The following PSD3 variants were observed in gnomAD, a reference collection of about 807,000 sequenced individuals.
The protein encoded by PSD3 is pleckstrin and Sec7 domain containing 3, also known as PH and SEC7 domain-containing protein 3.
A neutral mutation model predicts 105.5 loss-of-function variants in PSD3; 49 were observed. That is an observed-to-expected ratio of 0.46 (90% CI 0.37 to 0.59). The LOEUF is 0.59. PSD3 is among the 20% of genes least tolerant of loss of function. PSD3 has a pLI of 0.00. For missense variants in PSD3, 1,561 were observed against 1,263.8 expected (o/e 1.24, Z -3.57); for synonymous variants, 557 against 457.8 (o/e 1.22, Z -2.77).
intron 8 of PSD3, among the ~76,000 whole-genome samples, chr8:18,796,232 G>A (rs10503633): frequency 0.7 from 106,995 of 151,890 alleles, 39,336 homozygotes; most frequent in Non-Finnish European, 0.81. Context: ...AGTTTAACAT[G>A]ATCCAACATG....
chr8:18,766,807 A>T (rs1275985656), intron 8 of PSD3, among the ~76,000 whole-genome samples: 1 of 152,202 alleles, frequency 6.6e-6, no homozygotes, highest in East Asian at 1.9e-4. Flanking sequence ...CCCAAATGTC[A>T]CAGAGCAACC....
intron 2 of PSD3, among the ~76,000 whole-genome samples, chr8:18,912,248 G>C (rs767696743): frequency 9.2e-5 from 14 of 152,128 alleles, no homozygotes; most frequent in Non-Finnish European, 5.9e-5. Context: ...CAAACCTCCA[G>C]ATTAAATTAA....
chr8:19,008,777 G>C (rs1563506067), intron 1 of PSD3, among the ~76,000 whole-genome samples: 1 of 152,186 alleles, frequency 6.6e-6, no homozygotes, highest in South Asian at 2.1e-4. Flanking sequence ...GCAAAGGTCT[G>C]AGAACAGAAG....
intron 10 of PSD3, among the ~76,000 whole-genome samples, chr8:18,637,550 G>A (rs1380613330): frequency 1.3e-5 from 2 of 152,012 alleles, no homozygotes; most frequent in East Asian, 3.9e-4. Context: ...CATATAAAAT[G>A]GTTTCTTGCA....
chr8:18,549,094 C>A (rs1563311423), intron 15 of PSD3, among the ~76,000 whole-genome samples: 1 of 151,992 alleles, frequency 6.6e-6, no homozygotes, highest in Non-Finnish European at 1.5e-5. Flanking sequence ...GCTCTCTTGG[C>A]AGTGACCTTT....
chr8:18,780,495 C>G (rs1044954571), intron 8 of PSD3, among the ~76,000 whole-genome samples: 2 of 151,998 alleles, frequency 1.3e-5, no homozygotes, highest in African/African-American at 4.8e-5. Context: ...TCCTGTTCTC[C>G]TCTTATCATT....
At chr8:18,936,554 G>C (rs1333136556) in intron 1 of PSD3, among the ~76,000 whole-genome samples, 1 of 152,130 alleles carries the variant, frequency 6.6e-6, no homozygotes, top group Non-Finnish European at 1.5e-5. Flanking sequence ...ACGATGTCAG[G>C]AGTTCGAGAC....
At chr8:18,567,323 T>A (rs562555404) in intron 14 of PSD3, among the ~76,000 whole-genome samples, 1 of 152,132 alleles carries the variant, frequency 6.6e-6, no homozygotes, top group African/African-American at 2.4e-5. Context: ...TATCGTGTAA[T>A]GTGATTTACC....
intron 14 of PSD3, among the ~76,000 whole-genome samples, chr8:18,567,433 G>C (rs964786602): frequency 6.6e-6 from 1 of 152,062 alleles, no homozygotes; most frequent in Non-Finnish European, 1.5e-5. Flanking sequence ...ATTTTAGTTG[G>C]ATAGATGGAG....
At chr8:18,865,229 T>C (rs1188716532) in intron 4 of PSD3, 4 of 4,356 alleles carry the variant, frequency 9.2e-4, no homozygotes, top group African/African-American at 4.1e-3. Flanking sequence ...CTATGTTATA[T>C]ATATATATAT....
intron 2 of PSD3, among the ~76,000 whole-genome samples, chr8:18,927,557 A>G: frequency 6.6e-6 from 1 of 152,204 alleles, no homozygotes; most frequent in Non-Finnish European, 1.5e-5. Flanking sequence ...AGGAATGACT[A>G]AATCATTGGC....
At chr8:18,869,934 G>A (rs1424873291) in intron 3 of PSD3, among the ~76,000 whole-genome samples, 27 of 152,152 alleles carry the variant, frequency 1.8e-4, no homozygotes, top group Non-Finnish European at 2.9e-5. Flanking sequence ...GCAGTGTCAG[G>A]ACATAGGAGA....
chr8:18,647,646 A>G (rs1585492009), intron 10 of PSD3, among the ~76,000 whole-genome samples: 1 of 150,078 alleles, frequency 6.7e-6, no homozygotes, highest in East Asian at 2.0e-4. Flanking sequence ...AAATGAGCCA[A>G]TACATGATTT....
intron 1 of PSD3, among the ~76,000 whole-genome samples, chr8:18,979,220 T>C (rs1825123761): frequency 6.6e-6 from 1 of 152,000 alleles, no homozygotes; most frequent in African/African-American, 2.4e-5. Context: ...CATTGCAGGC[T>C]TCCAAAATGT....
At chr8:18,800,629 G>C (rs1434086256) in intron 7 of PSD3, among the ~76,000 whole-genome samples, 1 of 152,146 alleles carries the variant, frequency 6.6e-6, no homozygotes, top group African/African-American at 2.4e-5. Context: ...CACAAGGTAG[G>C]TCCACAAACA....
chr8:18,585,896 C>T (rs1056929291), intron 12 of PSD3, among the ~76,000 whole-genome samples: 5 of 152,086 alleles, frequency 3.3e-5, no homozygotes, highest in African/African-American at 1.2e-4. Context: ...TTTGACAAGG[C>T]ATGTCTACTT....
At chr8:18,562,846 G>C (rs1020028263) in intron 14 of PSD3, among the ~76,000 whole-genome samples, 4 of 151,974 alleles carry the variant, frequency 2.6e-5, no homozygotes, top group Non-Finnish European at 1.5e-5. Flanking sequence ...CCGAGATCAT[G>C]CCACTGCACT....
At chr8:18,727,551 A>AACACACACACACACAC (rs56410753) in intron 9 of PSD3, among the ~76,000 whole-genome samples, 5 of 137,628 alleles carry the variant, frequency 3.6e-5, no homozygotes, top group African/African-American at 1.4e-4. Context: ...AAAAAATCCA[A>AACACACACACACACAC]ACACACACAC....
chr8:18,914,079 C>A (rs951930685), intron 2 of PSD3, among the ~76,000 whole-genome samples: 1 of 152,044 alleles, frequency 6.6e-6, no homozygotes, highest in Admixed American at 6.5e-5. Flanking sequence ...CAGGAACCAG[C>A]CTGCCCAAAG....
Sources: gnomAD v4.1 joint callset for allele counts (sites outside exome capture counted in the v4.1 genomes callset) on GRCh38, gnomAD v4.1.1 for gene constraint, MANE v1.5 for transcripts, NCBI Gene and HGNC (gene_info 2026-07-23, HGNC 2026-07-21) for gene names.